Variants in TCF12 observed in about 807,000 individuals in gnomAD.
TCF12 encodes the protein DNA-binding protein HTF4.
Under a neutral mutation model 86.0 loss-of-function variants are expected in TCF12, and 45 were observed. That is an observed-to-expected ratio of 0.52 (90% CI 0.41 to 0.67). The LOEUF is 0.67. TCF12 is among the 30% of genes least tolerant of loss of function. The pLI is 0.00. For synonymous variants in TCF12, 330 were observed against 299.6 expected, an observed-to-expected ratio of 1.10 and a Z score of -1.05; for missense variants, 881 against 859.9, an observed-to-expected ratio of 1.02 and a Z score of -0.31.
intron 8 of TCF12, among the ~76,000 whole-genome samples, chr15:57,217,313 T>C (rs1457245853): frequency 6.6e-6 from 1 of 152,192 alleles, no homozygotes; most frequent in East Asian, 1.9e-4. Context: ...ACTATTTGGC[T>C]TTTACAGTGA....
At chr15:57,273,436 C>CAA (rs1481790646) in intron 19 of TCF12, among the ~76,000 whole-genome samples, 174 bp downstream of exon 19, 4 of 151,982 alleles carry the variant, frequency 2.6e-5, no homozygotes, top group Admixed American at 6.6e-5. Flanking sequence ...CTGTATCACC[C>CAA]AATATCTGTG....
chr15:57,286,563 T>C lies in TCF12; in HGVS notation c.*418T>C. ...TACATATAAAGGGAAAAAGTTAATG[T>C]GGAAAGCTGATCTACACTCAGCTGA... On this transcript the variant is annotated 3_prime_UTR_variant, in exon 21 of 21. Coordinates refer to ENST00000333725, the MANE Select transcript of TCF12 (RefSeq NM_207037.2). 6.8e-6 allele frequency: 3 copies of C among 438,444 alleles called. No individual in the cohort carries two copies. The highest frequency in any genetic ancestry group is 2.6e-5 in the Admixed American group (1 of 37,990). The allele number at this position is 438,444 out of a possible 1,614,324, so 27.2% of individuals were successfully genotyped here. A position where few individuals can be genotyped will look rare whatever the true frequency, so the allele number is the denominator to read the frequency against.
At chr15:57,060,916 T>C (rs1007182212) in intron 3 of TCF12, among the ~76,000 whole-genome samples, 1 of 152,242 alleles carries the variant, frequency 6.6e-6, no homozygotes, top group Non-Finnish European at 1.5e-5. Context: ...AAAGGAGTCA[T>C]TGATTCTAAA....
At chr15:57,148,993 A>T (rs917575142) in intron 5 of TCF12, among the ~76,000 whole-genome samples, 2 of 152,220 alleles carry the variant, frequency 1.3e-5, no homozygotes, top group African/African-American at 4.8e-5. Context: ...CATTGCCAGG[A>T]TATACAAATC....
chr15:57,173,426 G>GA (rs369036735), intron 6 of TCF12, among the ~76,000 whole-genome samples: 4 of 151,966 alleles, frequency 2.6e-5, no homozygotes, highest in African/African-American at 9.6e-5. Context: ...CAATGTAATA[G>GA]AAAAAACTAA....
At chr15:57,192,060 C>T in intron 6 of TCF12, 98 bp from the exon 7 acceptor site, 2 of 1,390,040 alleles carry the variant, frequency 1.4e-6, no homozygotes, top group Non-Finnish European at 2.0e-6. Flanking sequence ...TAAGTTAAGA[C>T]ATTGCTGAAG....
At chr15:57,197,657 C>G in intron 7 of TCF12, 116 bp from the exon 8 acceptor site, 1 of 1,159,670 alleles carries the variant, frequency 8.6e-7, no homozygotes, top group South Asian at 1.5e-5. Context: ...TTGCTGCTTA[C>G]TCCCAAATAT....
At chr15:57,247,979 C>T in intron 13 of TCF12, 1 of 727,868 alleles carries the variant, frequency 1.4e-6, no homozygotes, top group Non-Finnish European at 2.5e-6. Flanking sequence ...TGGCCCTTCT[C>T]CCCCACCACC....
intron 3 of TCF12, among the ~76,000 whole-genome samples, chr15:56,978,690 A>G (rs1324489482): frequency 6.6e-6 from 1 of 152,134 alleles, no homozygotes; most frequent in African/African-American, 2.4e-5. Context: ...AAAGCAAAAT[A>G]CTCTTATTTC....
intron 13 of TCF12, among the ~76,000 whole-genome samples, chr15:57,250,509 A>C (rs1185470655): frequency 6.6e-6 from 1 of 152,152 alleles, no homozygotes; most frequent in Non-Finnish European, 1.5e-5. Context: ...CGGGTGGATC[A>C]CTTAAGGTCA....
intron 19 of TCF12, among the ~76,000 whole-genome samples, chr15:57,277,944 A>C (rs1315813298): frequency 2.0e-5 from 3 of 147,536 alleles, no homozygotes; most frequent in African/African-American, 7.5e-5. Flanking sequence ...TGTCTCAAAG[A>C]AAAAAAAAAA....
At chr15:57,083,867 G>A (rs191768920) in intron 4 of TCF12, among the ~76,000 whole-genome samples, 68 of 152,258 alleles carry the variant, frequency 4.5e-4, no homozygotes, top group African/African-American at 1.6e-3. Flanking sequence ...AGGTGTGAGC[G>A]ACTGCACCCA....
chr15:57,227,419 A>G (rs1237059165), intron 8 of TCF12, among the ~76,000 whole-genome samples: 2 of 152,164 alleles, frequency 1.3e-5, no homozygotes, highest in African/African-American at 4.8e-5. Flanking sequence ...CTGAGCAGGA[A>G]AAAAGGGATC....
intron 3 of TCF12, among the ~76,000 whole-genome samples, chr15:57,035,299 T>C (rs73413325): frequency 0.05 from 7,608 of 152,282 alleles, 402 homozygotes; most frequent in African/African-American, 0.14. Context: ...TGTCTTGCTC[T>C]GTCACCCATT....
At chr15:57,152,678 AG>A (rs1189872642) in intron 5 of TCF12, among the ~76,000 whole-genome samples, 1 of 152,180 alleles carries the variant, frequency 6.6e-6, no homozygotes, top group Non-Finnish European at 1.5e-5. Flanking sequence ...AAATGAAAAA[AG>A]ATCAGAGCTG....
rs756365002 is a variant in TCF12, at chr15:57,166,434, T to C, written c.358T>C (p.Tyr120His). Residue 120 changes from tyrosine (Y) to histidine (H), a missense_variant, in exon 6 of 21, where the codon TAC (tyrosine) becomes CAC (histidine). Tyr to His is a moderately conservative substitution (Grantham distance 83, BLOSUM62 2). Coordinates refer to ENST00000333725, the MANE Select transcript of TCF12 (RefSeq NM_207037.2). ...ATCAGAGAGAGGCTCATTTTCCCTG[T>C]ACAGCAGAGATACTGGATTACCAGG... ...KTSERGSFSLYSRDTGLPGCQ... is the reference protein window; with the variant it reads ...KTSERGSFSLHSRDTGLPGCQ... 30 of 1,613,008 alleles carry C rather than the reference T, an allele frequency of 1.9e-5. No homozygotes were observed. Among genetic ancestry groups the C allele is most frequent in the Non-Finnish European group, 1.6e-5 (19 of 1,179,628 alleles).
In TCF12 at chr15:57,165,130, A is replaced by ATGTC. The variant is rs1223287630; in HGVS notation, c.326-1268_326-1265dup. ...CTTTGTGTCTATCCTGAAGGAATGT[A>ATGTC]TGTCTGTGTGTGTGTGTGTGTGTGT... On this transcript the variant is annotated intron_variant, in intron 5 of 20. Transcript: ENST00000333725. Among the ~76,000 whole-genome samples, 420 of 82,832 alleles carry ATGTC rather than the reference A, an allele frequency of 5.1e-3. 9 individuals are homozygous for ATGTC. In the Admixed American group the frequency reaches 0.06, roughly 12 times the overall value. The allele number at this position is 82,832 out of a possible 152,430, so 54.3% of individuals were successfully genotyped here. A position where few individuals can be genotyped will look rare whatever the true frequency, so the allele number is the denominator to read the frequency against.
chr15:57,251,291 C>T, intron 13 of TCF12, 59 bp from the exon 14 acceptor site: 1 of 1,436,238 alleles, frequency 7.0e-7, no homozygotes, highest in Admixed American at 1.7e-5. Flanking sequence ...CTTTCCTTCA[C>T]AACATTATCA....
intron 8 of TCF12, among the ~76,000 whole-genome samples, chr15:57,214,826 C>T (rs964625896): frequency 1.4e-4 from 21 of 151,972 alleles, no homozygotes; most frequent in African/African-American, 5.1e-4. Context: ...GAGTAAAGAT[C>T]ACAAAAATCA....
Sources: allele counts gnomAD v4.1 joint callset (sites outside exome capture counted in the v4.1 genomes callset), GRCh38; gene constraint gnomAD v4.1.1; transcripts MANE v1.5; gene names NCBI Gene and HGNC (gene_info 2026-07-23, HGNC 2026-07-21).